DYRK1B: variants seen among roughly 807,000 people sequenced by gnomAD.
DYRK1B encodes dual specificity tyrosine phosphorylation regulated kinase 1B.
In DYRK1B, 20 loss-of-function variants were observed where a neutral mutation model predicts 57.1. That is an observed-to-expected ratio of 0.35 (90% CI 0.25 to 0.51). The LOEUF (loss-of-function observed/expected upper bound fraction) is 0.51, where lower values mean the gene tolerates loss of function less well. Ranked by LOEUF, DYRK1B falls within the 20% of genes least tolerant of loss-of-function variation. The probability of loss-of-function intolerance (pLI) is 0.96; values close to 1 mark genes in which losing one functional copy is unlikely to be tolerated. For synonymous variants in DYRK1B, 409 were observed against 384.7 expected, an observed-to-expected ratio of 1.06 and a Z score of -0.74; for missense variants, 732 against 886.3, an observed-to-expected ratio of 0.83 and a Z score of 2.21.
At position 39,826,716 on chromosome 19, in the gene DYRK1B, T is replaced by A. The variant is rs764730321; in HGVS notation, c.1367A>T (p.Asp456Val). 3 of 1,605,192 alleles carry A rather than the reference T, an allele frequency of 1.9e-6. No homozygotes were observed. In the East Asian group the frequency reaches 6.8e-5, roughly 36 times the overall value. Reference protein sequence around the residue: ...SSASTSPAPLDTCPSSSTASS... With the variant: ...SSASTSPAPLVTCPSSSTASS... ...GGCGGTGCTGGAAGAGGGGCAGGTG[T>A]CGAGGGGCGCGGGCGAGGTGGAGGC... Residue 456 changes from aspartate to valine, a missense_variant, in exon 9 of 11, where the codon GAC (aspartate) becomes GTC (valine). Transcript: ENST00000323039. This position sits in a 1 kb window ranked among gnomAD's most constrained non-coding sequence, Gnocchi z 6.3.
chr19:39,830,880 G>T, intron 2 of DYRK1B, 97 bp from the exon 3 acceptor site: 1 of 1,407,592 alleles, frequency 7.1e-7, no homozygotes, highest in African/African-American at 1.4e-5. Context: ...CATGTATTTG[G>T]TTGCTGTCTG....
rs1444049566 is a variant in DYRK1B, at chr19:39,828,923, T to C, written c.521-340A>G. The stretch of plus-strand genomic sequence containing the variant: ...AAAGGACACTGGTTTTCCGTTTACT[T>C]TAAGGATATACGTTTTCCTTTCAAA... On this transcript the variant is annotated intron_variant, in intron 5 of 10. Coordinates refer to ENST00000323039, the MANE Select transcript of DYRK1B (RefSeq NM_004714.3). The surrounding 1 kb of genome is among the most constrained non-coding windows in gnomAD (Gnocchi z 4.3). Among the ~76,000 whole-genome samples the C allele has an allele frequency of 6.6e-6, 1 of 151,876 alleles. No individual in the cohort carries two copies. The highest frequency in any genetic ancestry group is 1.5e-5 in the Non-Finnish European group (1 of 68,046).
At position 39,825,630 on chromosome 19, in the gene DYRK1B, C is replaced by A; in HGVS notation, c.*85G>T. 1 of 1,404,648 alleles carries A rather than the reference C, an allele frequency of 7.1e-7. No homozygotes were observed. Among genetic ancestry groups the A allele is most frequent in the South Asian group, 1.3e-5 (1 of 79,662 alleles). 87.0% of individuals were successfully genotyped at this position (1,404,648 alleles called of 1,614,324 possible). ...CCAGCTGGGTAGCAGCAATTCCAGTCAAGGAGAGAGATGAGGATGGGAGCC... is the reference window on the plus strand; with the variant it reads ...CCAGCTGGGTAGCAGCAATTCCAGTAAAGGAGAGAGATGAGGATGGGAGCC... On this transcript the variant is annotated 3_prime_UTR_variant, in exon 11 of 11. Transcript: ENST00000323039.
chr19:39,830,624 C>A (rs377044422), intron 3 of DYRK1B, 40 bp downstream of exon 3: 5 of 1,612,946 alleles, frequency 3.1e-6, no homozygotes, highest in Non-Finnish European at 4.2e-6. Flanking sequence ...GCAGACAAGA[C>A]CCTCGGCACC....
rs1460753469 is a variant in DYRK1B, at chr19:39,834,137, G to A, written c.-216C>T. On this transcript the variant is annotated 5_prime_UTR_variant, in exon 1 of 11. Coordinates refer to ENST00000323039, the MANE Select transcript of DYRK1B (RefSeq NM_004714.3). ...GCCAGGGCCCCGATTACCCAGTAAT[G>A]CAACCAGCAAAATGGCGACCACAAC... The A allele has an allele frequency of 4.5e-6, 1 of 221,480 alleles. No homozygotes were observed. The highest frequency in any genetic ancestry group is 9.2e-6 in the Non-Finnish European group (1 of 108,190). 13.7% of individuals were successfully genotyped at this position (221,480 alleles called of 1,614,324 possible).
rs912028567 is a variant in DYRK1B, at chr19:39,825,973, G to A, written c.1632C>T (p.Pro544=). The A allele has an allele frequency of 6.6e-7, 1 of 1,526,362 alleles. No homozygotes were observed. The highest frequency in any genetic ancestry group is 1.4e-5 in the African/African-American group (1 of 71,998). The allele number at this position is 1,526,362 out of a possible 1,614,324, so 94.6% of individuals were successfully genotyped here. A position where few individuals can be genotyped will look rare whatever the true frequency, so the allele number is the denominator to read the frequency against. The change falls in exon 11 of 11, where the codon CCC becomes CCT. Residue 544 remains proline (P), a synonymous_variant. Coordinates refer to ENST00000323039, the MANE Select transcript of DYRK1B (RefSeq NM_004714.3). ...GGGGACGACCAAGGTATCGGGGCTGGGGGGGTAACTGGGCCCCGGTCCCAG... is the reference window on the plus strand; with the variant it reads ...GGGGACGACCAAGGTATCGGGGCTGAGGGGGTAACTGGGCCCCGGTCCCAG... ...SLPGTGAQLP[P]QPRYLGRPPS...
chr19:39,830,659 C>A lies in DYRK1B; in HGVS notation c.183+5G>T. ...CCAGCCCAGGATCCCCCAGCCCCTG[C>A]CCACCTCATTGATGTGCTTGTAGGT... On this transcript the variant is annotated splice_donor_5th_base_variant and intron_variant, in intron 3 of 10. Transcript: ENST00000323039. The A allele has an allele frequency of 1.9e-6, 3 of 1,613,426 alleles. No homozygotes were observed. Among genetic ancestry groups the A allele is most frequent in the Non-Finnish European group, 1.7e-6 (2 of 1,179,556 alleles).
chr19:39,825,932 G>C lies in DYRK1B; in HGVS notation c.1673C>G (p.Pro558Arg). 1.3e-6 allele frequency: 2 copies of C among 1,539,584 alleles called. No individual in the cohort carries two copies. The highest frequency in any genetic ancestry group is 1.7e-6 in the Non-Finnish European group (2 of 1,145,626). Reference protein sequence around the residue: ...YLGRPPSPTSPPPPELMDVSL... With the variant: ...YLGRPPSPTSRPPPELMDVSL... ...CACATCCATCAGCTCCGGGGGTGGT[G>C]GTGAGGTTGGTGATGGGGGACGACC... is the stretch of plus-strand genomic sequence containing the variant. Residue 558 changes from proline (P) to arginine (R), a missense_variant, in exon 11 of 11, where the codon CCA becomes CGA. Coordinates refer to ENST00000323039, the MANE Select transcript of DYRK1B (RefSeq NM_004714.3).
chr19:39,831,775 ACG>A, intron 2 of DYRK1B, 28 bp downstream of exon 2: 1 of 1,548,930 alleles, frequency 6.5e-7, no homozygotes, highest in Non-Finnish European at 8.7e-7. Context: ...CCCTACCACC[ACG>A]CAGGTGAGGA....
At position 39,826,235 on chromosome 19, in the gene DYRK1B, C is replaced by T. The variant is rs750653288; in HGVS notation, c.1463G>A (p.Arg488Gln). The T allele has an allele frequency of 6.6e-5, 106 of 1,596,192 alleles. No homozygotes were observed. Among genetic ancestry groups the T allele is most frequent in the Non-Finnish European group, 8.3e-5 (98 of 1,173,930 alleles). The part of the protein sequence containing the change: ...SDNRTYRYSN[R>Q]YCGGPGPPIT... ...AGGGGGCCCAGGGCCCCCACAATATCGGTTGCTGTAGCGGTAGGTCCGGTT... is the reference window on the plus strand; with the variant it reads ...AGGGGGCCCAGGGCCCCCACAATATTGGTTGCTGTAGCGGTAGGTCCGGTT... The change falls in exon 10 of 11, where the codon CGA (arginine) becomes CAA (glutamine). Residue 488 changes from arginine (R) to glutamine (Q), a missense_variant. This residue lies in a region of DYRK1B where 222 missense variants were observed against 205.0 expected (regional missense o/e 1.08). Coordinates refer to ENST00000323039, the MANE Select transcript of DYRK1B (RefSeq NM_004714.3). The surrounding 1 kb of genome is among the most constrained non-coding windows in gnomAD (Gnocchi z 6.3).
chr19:39,826,407 C>A lies in DYRK1B; in HGVS notation c.1412-121G>T. The A allele has an allele frequency of 1.1e-6, 1 of 886,294 alleles. No homozygotes were observed. The highest frequency in any genetic ancestry group is 1.7e-6 in the Non-Finnish European group (1 of 604,822). 54.9% of individuals were successfully genotyped at this position (886,294 alleles called of 1,614,324 possible). A position where few individuals can be genotyped will look rare whatever the true frequency, so the allele number is the denominator to read the frequency against. On this transcript the variant is annotated intron_variant, in intron 9 of 10. Transcript: ENST00000323039. This position sits in a 1 kb window ranked among gnomAD's most constrained non-coding sequence, Gnocchi z 6.3. The stretch of plus-strand genomic sequence containing the variant: ...CAGGTTCAGGCTTCAAGAGCAGAGC[C>A]CATCTGAAGCACCGGGCCCAATTCT...
At chr19:39,827,014 G>GGGGGGGGGGGGGGGC (rs1568530212) in intron 8 of DYRK1B, 27 bp from the exon 9 acceptor site, 11 of 419,576 alleles carry the variant, frequency 2.6e-5, no homozygotes, top group Non-Finnish European at 3.9e-5. Flanking sequence ...GGGAGGGGGG[G>GGGGGGGGGGGGGGGC]CAAGAGAGTG....
At position 39,826,201 on chromosome 19, in the gene DYRK1B, G is replaced by A. The variant is rs1261095959; in HGVS notation, c.1497C>T (p.Asp499=). The change falls in exon 10 of 11, where the codon GAC becomes GAT. Residue 499 remains aspartate (D), a synonymous_variant. Coordinates refer to ENST00000323039, the MANE Select transcript of DYRK1B (RefSeq NM_004714.3). This position sits in a 1 kb window ranked among gnomAD's most constrained non-coding sequence, Gnocchi z 6.3. Reference sequence around the variant, plus strand: ...TTACCTGGGGGCTGTTCATCTCACAGTCTGTGATAGGGGGCCCAGGGCCCC... The same window carrying A: ...TTACCTGGGGGCTGTTCATCTCACAATCTGTGATAGGGGGCCCAGGGCCCC... ...YCGGPGPPIT[D]CEMNSPQVPP... 1 of 1,586,446 alleles carries A rather than the reference G, an allele frequency of 6.3e-7. No homozygotes were observed. The highest frequency in any genetic ancestry group is 1.2e-5 in the South Asian group (1 of 86,502).
At position 39,825,729 on chromosome 19, in the gene DYRK1B, C is replaced by G; in HGVS notation, c.1876G>C (p.Ala626Pro). 1 of 1,553,308 alleles carries G rather than the reference C, an allele frequency of 6.4e-7. No individual in the cohort carries two copies. Among genetic ancestry groups the G allele is most frequent in the Non-Finnish European group, 8.7e-7 (1 of 1,149,614 alleles). Residue 626 changes from alanine (A) to proline (P), a missense_variant, in exon 11 of 11, where the codon GCA becomes CCA. Coordinates refer to ENST00000323039, the MANE Select transcript of DYRK1B (RefSeq NM_004714.3). ...LGLRGVPQST[A>P]ASS is the part of the protein sequence containing the mutation. ...AGGGGGCAGGGTCACGAGCTGGCTG[C>G]TGTGCTCTGGGGTACACCACGGAGG...
At chr19:39,832,083 C>T in intron 1 of DYRK1B, 115 bp from the exon 2 acceptor site, 1 of 1,165,954 alleles carries the variant, frequency 8.6e-7, no homozygotes, top group South Asian at 2.1e-5. Context: ...AGGAAAAGGG[C>T]ACAACGGAGC....
At position 39,826,288 on chromosome 19, in the gene DYRK1B, T is replaced by C; in HGVS notation, c.1412-2A>G. 1 of 1,568,462 alleles carries C rather than the reference T, an allele frequency of 6.4e-7. No homozygotes were observed. The highest frequency in any genetic ancestry group is 8.6e-7 in the Non-Finnish European group (1 of 1,162,188). ...CACTGGAGGAGCCACTGGAGCCTCC[T>C]GGAAGTGCCAGGGAGGAGAGGTGAA... On this transcript the variant is annotated splice_acceptor_variant, in intron 9 of 10. Coordinates refer to ENST00000323039, the MANE Select transcript of DYRK1B (RefSeq NM_004714.3). LOFTEE classifies it high-confidence loss of function. The surrounding 1 kb of genome is among the most constrained non-coding windows in gnomAD (Gnocchi z 6.3).
intron 8 of DYRK1B, 119 bp from the exon 9 acceptor site, chr19:39,827,106 A>G: frequency 9.1e-7 from 1 of 1,100,756 alleles, no homozygotes; most frequent in Non-Finnish European, 1.2e-6. Flanking sequence ...AAAGCTAAGA[A>G]GAGTTGTGGG....
Position 39,828,137 on chromosome 19 carries a change from C to G in DYRK1B, c.807+160G>C, listed in dbSNP as rs1968625888. ...GCCCCTCAGGCTTCACCCTTCCCAT[C>G]CTAGTGGGCAGTATATTCACACCCC... On this transcript the variant is annotated intron_variant, in intron 6 of 10. Coordinates refer to ENST00000323039, the MANE Select transcript of DYRK1B (RefSeq NM_004714.3). This position sits in a 1 kb window ranked among gnomAD's most constrained non-coding sequence, Gnocchi z 4.3. Among the ~76,000 whole-genome samples the G allele has an allele frequency of 6.6e-6, 1 of 152,188 alleles. No homozygotes were observed. Among genetic ancestry groups the G allele is most frequent in the Non-Finnish European group, 1.5e-5 (1 of 68,040 alleles).
At chr19:39,829,601 T>C (rs1397136984) in intron 5 of DYRK1B, 2 of 323,646 alleles carry the variant, frequency 6.2e-6, no homozygotes, top group Admixed American at 4.8e-5. Flanking sequence ...TTGTTAATAA[T>C]GCCCTTCCCC....
Sources: gnomAD v4.1 joint callset for allele counts (sites outside exome capture counted in the v4.1 genomes callset) on GRCh38, gnomAD v4.1.1 for gene constraint, gnomAD v4.1.1 regional missense constraint, Gnocchi (gnomAD v3.1) non-coding constraint, MANE v1.5 for transcripts, NCBI Gene and HGNC (gene_info 2026-07-23, HGNC 2026-07-21) for gene names.